NEMP2: variants seen among roughly 807,000 people sequenced by gnomAD.
NEMP2 encodes nuclear envelope integral membrane protein 2, also known as UPF0571 transmembrane protein.
In NEMP2, 53 loss-of-function variants were observed where a neutral mutation model predicts 54.2. That is an observed-to-expected ratio of 0.98 (90% CI 0.78 to 1.23). The LOEUF is 1.23. Ranked by LOEUF, NEMP2 falls within the 50% of genes most tolerant of loss-of-function variation. The pLI, the probability that NEMP2 is intolerant of heterozygous loss-of-function variation, is 0.00. For missense variants in NEMP2, 455 were observed against 511.3 expected (o/e 0.89, Z 1.06); for synonymous variants, 197 against 190.3 (o/e 1.04, Z -0.29).
the NEMP2 span, among the ~76,000 whole-genome samples, chr2:190,482,239 A>G: frequency 1.3e-5 from 2 of 152,202 alleles, no homozygotes; most frequent in Non-Finnish European, 2.9e-5. Context: ...TCTCCTGTTC[A>G]TTGGACTTTG....
At chr2:190,549,667 A>G in the NEMP2 span, among the ~76,000 whole-genome samples, 2 of 152,134 alleles carry the variant, frequency 1.3e-5, no homozygotes, top group African/African-American at 2.4e-5. Flanking sequence ...ATCTTCGACC[A>G]ATAGGATTCT....
the NEMP2 span, among the ~76,000 whole-genome samples, chr2:190,496,958 T>C: frequency 7.2e-5 from 11 of 152,156 alleles, no homozygotes; most frequent in Non-Finnish European, 1.5e-4. The surrounding 1 kb of genome is among the most constrained non-coding windows in gnomAD (Gnocchi z 4.7). Context: ...ATTGGGTTCA[T>C]TGTATACTGC....
At chr2:190,487,625 G>C in the NEMP2 span, among the ~76,000 whole-genome samples, 4 of 152,300 alleles carry the variant, frequency 2.6e-5, no homozygotes, top group South Asian at 4.1e-4. This position sits in a 1 kb window ranked among gnomAD's most constrained non-coding sequence, Gnocchi z 5.5. Flanking sequence ...AGAAGATATA[G>C]ATGGCCAATA....
the NEMP2 span, among the ~76,000 whole-genome samples, chr2:190,457,847 A>T: frequency 1.3e-5 from 2 of 152,210 alleles, no homozygotes; most frequent in African/African-American, 4.8e-5. The surrounding 1 kb of genome is among the most constrained non-coding windows in gnomAD (Gnocchi z 5.1). Context: ...CGTGCAGCAT[A>T]TGCCCCGCCA....
chr2:190,599,693 T>G, the NEMP2 span, among the ~76,000 whole-genome samples: 1 of 152,170 alleles, frequency 6.6e-6, no homozygotes, highest in Non-Finnish European at 1.5e-5. Context: ...TTCCAAATGA[T>G]ATAAGCCAGG....
In NEMP2 at chr2:190,514,498, G is replaced by A. The variant is rs755228946; in HGVS notation, c.908C>T (p.Ser303Phe). The A allele has an allele frequency of 6.4e-7, 1 of 1,551,646 alleles. No individual in the cohort carries two copies. Among genetic ancestry groups the A allele is most frequent in the South Asian group, 1.2e-5 (1 of 84,044 alleles). ...AYAAIILLMSSWSLHYPLRAC... is the reference protein window; with the variant it reads ...AYAAIILLMSFWSLHYPLRAC... ...TCTCAGTGGGTAGTGCAGACTCCAG[G>A]AGGACATGAGGAGGATTATGGCTGC... The change falls in exon 7 of 9, where the codon TCC (serine) becomes TTC (phenylalanine). Residue 303 changes from serine to phenylalanine, a missense_variant. Ser to Phe is a radical substitution (Grantham distance 155). Around this residue, in one of 3 missense-constraint regions of NEMP2, gnomAD observed 294 missense variants for 333.6 expected, o/e 0.88. Coordinates refer to ENST00000409150, the MANE Select transcript of NEMP2 (RefSeq NM_001142645.2). The surrounding 1 kb of genome is among the most constrained non-coding windows in gnomAD (Gnocchi z 5.7).
the NEMP2 span, chr2:190,463,737 C>T: frequency 3.4e-6 from 1 of 294,586 alleles, no homozygotes; most frequent in South Asian, 1.3e-4. The surrounding 1 kb of genome is among the most constrained non-coding windows in gnomAD (Gnocchi z 4.4). Flanking sequence ...GGAGGATCAC[C>T]TGGGCTCTGG....
intron 2 of NEMP2, among the ~76,000 whole-genome samples, chr2:190,524,110 G>C (rs1690848375): frequency 6.6e-6 from 1 of 151,514 alleles, no homozygotes. Flanking sequence ...CCAGCTACTT[G>C]AAAGGCTGAG....
At chr2:190,487,157 G>A in the NEMP2 span, among the ~76,000 whole-genome samples, 6 of 151,924 alleles carry the variant, frequency 3.9e-5, no homozygotes, top group African/African-American at 9.7e-5. The surrounding 1 kb of genome is among the most constrained non-coding windows in gnomAD (Gnocchi z 5.5). Context: ...CCTGGCCAAC[G>A]TGGTGAAACC....
At chr2:190,462,113 C>G in the NEMP2 span, among the ~76,000 whole-genome samples, 1 of 152,052 alleles carries the variant, frequency 6.6e-6, no homozygotes, top group Non-Finnish European at 1.5e-5. The surrounding 1 kb of genome is among the most constrained non-coding windows in gnomAD (Gnocchi z 5.7). Flanking sequence ...TCGTGATTTG[C>G]TGTCTGTCTC....
At chr2:190,604,487 A>G in the NEMP2 span, among the ~76,000 whole-genome samples, 1 of 152,148 alleles carries the variant, frequency 6.6e-6, no homozygotes, top group African/African-American at 2.4e-5. This position sits in a 1 kb window ranked among gnomAD's most constrained non-coding sequence, Gnocchi z 4.5. Flanking sequence ...AACAGAAACC[A>G]CAATGTGCCT....
At chr2:190,639,798 G>C in the NEMP2 span, among the ~76,000 whole-genome samples, 5 of 152,010 alleles carry the variant, frequency 3.3e-5, no homozygotes, top group South Asian at 1.0e-3. Flanking sequence ...ACAGGTGCAT[G>C]CCACCATGCC....
the NEMP2 span, among the ~76,000 whole-genome samples, chr2:190,634,618 C>T: frequency 2.0e-5 from 3 of 152,180 alleles, no homozygotes; most frequent in African/African-American, 7.2e-5. This position sits in a 1 kb window ranked among gnomAD's most constrained non-coding sequence, Gnocchi z 6.8. Flanking sequence ...ACTTTCATGA[C>T]GCACTGAAGA....
At chr2:190,496,212 G>A in the NEMP2 span, among the ~76,000 whole-genome samples, 1 of 150,890 alleles carries the variant, frequency 6.6e-6, no homozygotes, top group Non-Finnish European at 1.5e-5. The surrounding 1 kb of genome is among the most constrained non-coding windows in gnomAD (Gnocchi z 4.7). Context: ...ATACACAAAT[G>A]GCCAACAAAC....
the NEMP2 span, among the ~76,000 whole-genome samples, chr2:190,435,620 A>T: frequency 2.9e-5 from 4 of 138,018 alleles, no homozygotes; most frequent in African/African-American, 1.1e-4. Flanking sequence ...TTTGAACAGT[A>T]AAATCAAGAA....
At chr2:190,558,845 G>A in the NEMP2 span, among the ~76,000 whole-genome samples, 1 of 152,134 alleles carries the variant, frequency 6.6e-6, no homozygotes, top group Admixed American at 6.5e-5. This position sits in a 1 kb window ranked among gnomAD's most constrained non-coding sequence, Gnocchi z 4.4. Flanking sequence ...TATTAATAAG[G>A]AAGACACTTT....
the NEMP2 span, among the ~76,000 whole-genome samples, chr2:190,573,786 C>G: frequency 1.3e-5 from 2 of 152,072 alleles, no homozygotes; most frequent in African/African-American, 4.8e-5. Flanking sequence ...TTTTATGGGT[C>G]CTTTTGCAAT....
At chr2:190,558,750 G>A in the NEMP2 span, among the ~76,000 whole-genome samples, 4 of 152,266 alleles carry the variant, frequency 2.6e-5, no homozygotes, top group Admixed American at 6.5e-5. The surrounding 1 kb of genome is among the most constrained non-coding windows in gnomAD (Gnocchi z 4.4). Flanking sequence ...AAGAGGAGCC[G>A]ATGAAGTATT....
chr2:190,576,622 C>T, the NEMP2 span, among the ~76,000 whole-genome samples: 54 of 48,258 alleles, frequency 1.1e-3, no homozygotes, highest in Admixed American at 0.014. Flanking sequence ...GTTTATGGAG[C>T]GGGGTGGGGC....
Sources: gnomAD v4.1 joint callset for allele counts (sites outside exome capture counted in the v4.1 genomes callset) on GRCh38, gnomAD v4.1.1 for gene constraint, gnomAD v4.1.1 regional missense constraint, Gnocchi (gnomAD v3.1) non-coding constraint, MANE v1.5 for transcripts, NCBI Gene and HGNC (gene_info 2026-07-23, HGNC 2026-07-21) for gene names.